GABPB2: variants seen among roughly 807,000 people sequenced by gnomAD.
GABPB2 encodes GA binding protein transcription factor subunit beta 2, also known as GA-binding protein subunit beta-2.
A neutral mutation model predicts 39.1 loss-of-function variants in GABPB2; 23 were observed. The observed-to-expected ratio is 0.59, with a 90% CI of 0.42 to 0.83. The LOEUF is 0.83. Among genes scored for constraint, GABPB2 ranks in the 40% least tolerant of loss-of-function variants. GABPB2 has a pLI of 0.00. For missense variants in GABPB2, 467 were observed against 541.1 expected (o/e 0.86, Z 1.36); for synonymous variants, 184 against 199.3 (o/e 0.92, Z 0.65).
intron 1 of GABPB2, among the ~76,000 whole-genome samples, chr1:151,076,543 C>T (rs1427154243): frequency 1.3e-5 from 2 of 151,918 alleles, no homozygotes; most frequent in African/African-American, 4.8e-5. Flanking sequence ...AATTCTCCTG[C>T]ATCAGCCTCC....
At chr1:151,100,423 G>A (rs927469068) in intron 5 of GABPB2, among the ~76,000 whole-genome samples, 8 of 151,472 alleles carry the variant, frequency 5.3e-5, no homozygotes, top group Admixed American at 1.3e-4. Context: ...GATTACAGGC[G>A]CCTGCCACCA....
intron 5 of GABPB2, among the ~76,000 whole-genome samples, chr1:151,102,142 G>A (rs971773883): frequency 1.3e-5 from 2 of 152,062 alleles, no homozygotes; most frequent in African/African-American, 2.4e-5. Context: ...GCAACATGGC[G>A]AGACCTCGTC....
At chr1:151,097,497 T>C (rs902622809) in intron 4 of GABPB2, among the ~76,000 whole-genome samples, 1 of 151,958 alleles carries the variant, frequency 6.6e-6, no homozygotes, top group Admixed American at 6.6e-5. Context: ...ATAAGTGTTC[T>C]TGGGCTGGGC....
rs780452255 is a variant in GABPB2, at chr1:151,118,174, A to AAG, written c.1275_1276dup (p.Thr426ArgfsTer4). 56 of 1,614,128 alleles carry AAG rather than the reference A, an allele frequency of 3.5e-5. No homozygotes were observed. In the African/African-American group the frequency reaches 6.1e-4, roughly 18 times the overall value. On this transcript the variant is annotated frameshift_variant, in exon 9 of 9. Transcript: ENST00000368918. LOFTEE classifies it low-confidence loss of function (END_TRUNC). The stretch of plus-strand genomic sequence containing the variant: ...GTAGTAGTCACAGAGGGGGAGTTGG[A>AAG]AGAGAGAGAGACAAAAGTGACTGGG...
At position 151,120,589 on chromosome 1, in the gene GABPB2, A is replaced by G. The variant is rs1681147189; in HGVS notation, c.*2333A>G. 1 of 152,124 alleles carries G rather than the reference A, an allele frequency of 6.6e-6. No individual in the cohort carries two copies. The highest frequency in any genetic ancestry group is 1.5e-5 in the Non-Finnish European group (1 of 68,016). 9.4% of individuals were successfully genotyped at this position (152,124 alleles called of 1,614,324 possible). On this transcript the variant is annotated 3_prime_UTR_variant, in exon 9 of 9. Coordinates refer to ENST00000368918, the MANE Select transcript of GABPB2 (RefSeq NM_144618.3). ...ACCAAAATCCAGGCTGTGTTTCCAC[A>G]GTGCTGGGAAGTGGCCAGAAAAAGG...
Position 151,124,903 on chromosome 1 carries a change from G to A in GABPB2, c.*6647G>A, listed in dbSNP as rs1157131493. 2 of 151,960 alleles carry A rather than the reference G, an allele frequency of 1.3e-5. No homozygotes were observed. Among genetic ancestry groups the A allele is most frequent in the Non-Finnish European group, 2.9e-5 (2 of 68,016 alleles). 9.4% of individuals were successfully genotyped at this position (151,960 alleles called of 1,614,324 possible). On this transcript the variant is annotated 3_prime_UTR_variant, in exon 9 of 9. Transcript: ENST00000368918. ...TGAGGTGACATTCCTAGACTCTACAGTAGCAGTTTGGCATGTTAGTGACAG... is the reference window on the plus strand; with the variant it reads ...TGAGGTGACATTCCTAGACTCTACAATAGCAGTTTGGCATGTTAGTGACAG...
At chr1:151,109,790 C>T (rs1265901025) in intron 7 of GABPB2, among the ~76,000 whole-genome samples, 1 of 151,844 alleles carries the variant, frequency 6.6e-6, no homozygotes, top group Non-Finnish European at 1.5e-5. Context: ...TCACCTCAGC[C>T]TCCCAAGTAG....
In GABPB2 at chr1:151,124,118, A is replaced by T. The variant is rs965514558; in HGVS notation, c.*5862A>T. ...AAAAAAAAAAAAGAAAGAAAAAGGA[A>T]AAAAAGAAATATCAGTTTGAGAAAT... On this transcript the variant is annotated 3_prime_UTR_variant, in exon 9 of 9. Coordinates refer to ENST00000368918, the MANE Select transcript of GABPB2 (RefSeq NM_144618.3). The T allele has an allele frequency of 1.3e-5, 2 of 149,454 alleles. No individual in the cohort carries two copies. The highest frequency in any genetic ancestry group is 4.9e-5 in the African/African-American group (2 of 41,040). 9.3% of individuals were successfully genotyped at this position (149,454 alleles called of 1,614,324 possible). A position where few individuals can be genotyped will look rare whatever the true frequency, so the allele number is the denominator to read the frequency against.
At chr1:151,110,316 G>T (rs1202177552) in intron 7 of GABPB2, among the ~76,000 whole-genome samples, 1 of 151,714 alleles carries the variant, frequency 6.6e-6, no homozygotes, top group Non-Finnish European at 1.5e-5. Flanking sequence ...TCTAATTTAT[G>T]CATTGCTGAT....
Position 151,093,286 on chromosome 1 carries a change from T to G in GABPB2, c.371T>G (p.Ile124Ser), listed in dbSNP as rs763255760. The G allele has an allele frequency of 6.2e-7, 1 of 1,613,404 alleles. No homozygotes were observed. The highest frequency in any genetic ancestry group is 1.1e-5 in the South Asian group (1 of 90,844). ...CATCGAGATGTCGTAGAGTTACTTA[T>G]CAAATATGGAGCTGATGTCCATGCT... is the stretch of plus-strand genomic sequence containing the variant. ...RHHRDVVELL[I>S]KYGADVHAFS... The change falls in exon 4 of 9, where the codon ATC becomes AGC. Residue 124 changes from isoleucine to serine, a missense_variant. Physicochemically the swap from Ile to Ser is moderately radical, Grantham distance 142. Coordinates refer to ENST00000368918, the MANE Select transcript of GABPB2 (RefSeq NM_144618.3).
chr1:151,089,005 G>A (rs188328675), intron 2 of GABPB2, among the ~76,000 whole-genome samples: 84 of 151,582 alleles, frequency 5.5e-4, no homozygotes, highest in Middle Eastern at 3.4e-3. Flanking sequence ...AAAAAAAGAA[G>A]TCATCTAGCT....
Position 151,119,768 on chromosome 1 carries a change from A to C in GABPB2, c.*1512A>C, listed in dbSNP as rs1681108789. On this transcript the variant is annotated 3_prime_UTR_variant, in exon 9 of 9. Coordinates refer to ENST00000368918, the MANE Select transcript of GABPB2 (RefSeq NM_144618.3). ...ACAAAACAAACAAACAAAAATACAA[A>C]AAATTAGCCGGGCGTGGTGGCACCT... 4 of 152,582 alleles carry C rather than the reference A, an allele frequency of 2.6e-5. No individual in the cohort carries two copies. Among genetic ancestry groups the C allele is most frequent in the Admixed American group, 2.0e-4 (3 of 15,220 alleles). The allele number at this position is 152,582 out of a possible 1,614,324, so 9.5% of individuals were successfully genotyped here.
At chr1:151,094,879 G>C (rs1462802389) in intron 4 of GABPB2, among the ~76,000 whole-genome samples, 1 of 151,180 alleles carries the variant, frequency 6.6e-6, no homozygotes, top group Admixed American at 6.6e-5. Flanking sequence ...GCATGGTGAC[G>C]TGTGCCTGTA....
rs879010713 is a variant in GABPB2, at chr1:151,123,454, CA to C, written c.*5214del. 0.097 allele frequency: 7,522 copies of C among 77,414 alleles called. 211 individuals carry two copies. Among genetic ancestry groups the C allele is most frequent in the Non-Finnish European group, 0.14 (5,220 of 37,692 alleles). 4.8% of individuals were successfully genotyped at this position (77,414 alleles called of 1,614,324 possible). On this transcript the variant is annotated 3_prime_UTR_variant, in exon 9 of 9. Transcript: ENST00000368918. Reference sequence around the variant, plus strand: ...TGGGCAATAGAGCGAGACTCTGTCTCAAAAAAAAAAAAAAAAGAAGGAAAGA... The same window carrying C: ...TGGGCAATAGAGCGAGACTCTGTCTCAAAAAAAAAAAAAAAGAAGGAAAGA...
rs587650471 is a variant in GABPB2, at chr1:151,125,483, A to T, written c.*7227A>T. ...ATACTTATACAGATCTATATTATATATACAGTTTTTGTACTATCATTTAAA... is the reference window on the plus strand; with the variant it reads ...ATACTTATACAGATCTATATTATATTTACAGTTTTTGTACTATCATTTAAA... On this transcript the variant is annotated 3_prime_UTR_variant, in exon 9 of 9. Transcript: ENST00000368918. 6.6e-6 allele frequency: 1 copy of T among 152,250 alleles called. No homozygotes were observed. Among genetic ancestry groups the T allele is most frequent in the South Asian group, 2.1e-4 (1 of 4,830 alleles). The allele number at this position is 152,250 out of a possible 1,614,324, so 9.4% of individuals were successfully genotyped here.
In GABPB2 at chr1:151,122,263, C is replaced by T. The variant is rs1366317369; in HGVS notation, c.*4007C>T. The T allele has an allele frequency of 6.6e-6, 1 of 152,158 alleles. No homozygotes were observed. The highest frequency in any genetic ancestry group is 1.5e-5 in the Non-Finnish European group (1 of 68,046). The allele number at this position is 152,158 out of a possible 1,614,324, so 9.4% of individuals were successfully genotyped here. On this transcript the variant is annotated 3_prime_UTR_variant, in exon 9 of 9. Transcript: ENST00000368918. ...CCACAGATCTGAGTACTTAACACTT[C>T]CCAGATGATTGGAGAATATTCTGGG...
intron 3 of GABPB2, among the ~76,000 whole-genome samples, chr1:151,091,152 A>G (rs1462371488): frequency 1.3e-5 from 2 of 150,646 alleles, no homozygotes; most frequent in Non-Finnish European, 2.9e-5. Flanking sequence ...CAGTGGCACG[A>G]TCTCTGCTCA....
rs1681195870 is a variant in GABPB2 at position 151,121,863 on chromosome 1, C to G, written c.*3607C>G. On this transcript the variant is annotated 3_prime_UTR_variant, in exon 9 of 9. Transcript: ENST00000368918. ...AGGTTATTGCCTTTGAAACTGGGCC[C>G]TCATCATTCTAGACTTGCTTGCTTT... The G allele has an allele frequency of 6.6e-6, 1 of 152,104 alleles. No homozygotes were observed. Among genetic ancestry groups the G allele is most frequent in the Admixed American group, 6.6e-5 (1 of 15,252 alleles). The allele number at this position is 152,104 out of a possible 1,614,324, so 9.4% of individuals were successfully genotyped here. A position where few individuals can be genotyped will look rare whatever the true frequency, so the allele number is the denominator to read the frequency against.
chr1:151,083,685 AGTT>A (rs1485291846), intron 1 of GABPB2, among the ~76,000 whole-genome samples: 6 of 150,524 alleles, frequency 4.0e-5, no homozygotes, highest in East Asian at 3.9e-4. Flanking sequence ...ATATACTGTC[AGTT>A]GTTCTCCTTG....
Sources: gnomAD v4.1 joint callset for allele counts (sites outside exome capture counted in the v4.1 genomes callset) on GRCh38, gnomAD v4.1.1 for gene constraint, MANE v1.5 for transcripts, NCBI Gene and HGNC (gene_info 2026-07-23, HGNC 2026-07-21) for gene names.